The following IFRD1 variants were observed in gnomAD, a reference collection of about 807,000 sequenced individuals.
IFRD1 encodes the protein interferon-related developmental regulator 1.
IFRD1 carries 35 observed loss-of-function variants against 52.9 expected under a neutral mutation model. The ratio of observed to expected loss-of-function variants is 0.66; its 90% CI spans 0.51 to 0.88. The LOEUF (loss-of-function observed/expected upper bound fraction) is 0.88. Among genes scored for constraint, IFRD1 ranks in the 40% least tolerant of loss-of-function variants. IFRD1 has a pLI of 0.00. For synonymous variants in IFRD1, 184 were observed against 188.4 expected (o/e 0.98, Z 0.19); for missense variants, 517 against 550.8 (o/e 0.94, Z 0.61).
intron 1 of IFRD1, among the ~76,000 whole-genome samples, chr7:112,423,704 G>C (rs1447702966): frequency 6.6e-6 from 1 of 152,164 alleles, no homozygotes; most frequent in African/African-American, 2.4e-5. Context: ...GGGAGGATGA[G>C]CTCTTGGTAG....
intron 5 of IFRD1, among the ~76,000 whole-genome samples, chr7:112,460,401 T>C (rs1422059859): frequency 6.6e-6 from 1 of 151,828 alleles, no homozygotes; most frequent in African/African-American, 2.4e-5. Context: ...TGTACCACCA[T>C]GTCTGGCTCG....
At chr7:112,457,158 C>T in intron 4 of IFRD1, 120 bp downstream of exon 4, 2 of 1,017,028 alleles carry the variant, frequency 2.0e-6, no homozygotes, top group Non-Finnish European at 3.0e-6. Flanking sequence ...TTCTAATAGT[C>T]AAGGAGTGCA....
At chr7:112,467,205 C>T (rs1196938837) in intron 8 of IFRD1, among the ~76,000 whole-genome samples, 1 of 152,122 alleles carries the variant, frequency 6.6e-6, no homozygotes, top group Non-Finnish European at 1.5e-5. Flanking sequence ...AAATGTTAAA[C>T]ATGTATGAAT....
At chr7:112,458,362 C>A in intron 4 of IFRD1, 1 of 152,182 alleles carries the variant, frequency 6.6e-6, no homozygotes, top group Non-Finnish European at 1.5e-5. Context: ...GTATTTTTTA[C>A]GGTTTTAAAG....
intron 1 of IFRD1, chr7:112,451,105 G>A: frequency 3.2e-6 from 1 of 316,388 alleles, no homozygotes; most frequent in Non-Finnish European, 6.0e-6. Flanking sequence ...TCCTTTCTCG[G>A]CGGCGATCTC....
At chr7:112,427,200 C>T (rs1331827069) in intron 1 of IFRD1, among the ~76,000 whole-genome samples, 2 of 152,230 alleles carry the variant, frequency 1.3e-5, no homozygotes, top group Admixed American at 6.5e-5. Context: ...TCATAACAAA[C>T]CGACTCTCAA....
chr7:112,434,088 G>A (rs1186522273), intron 1 of IFRD1, among the ~76,000 whole-genome samples: 1 of 152,134 alleles, frequency 6.6e-6, no homozygotes, highest in Admixed American at 6.5e-5. Context: ...GTCCCAAAGT[G>A]CTAGGATTAC....
At chr7:112,429,940 G>C (rs914750186) in intron 1 of IFRD1, among the ~76,000 whole-genome samples, 1 of 152,200 alleles carries the variant, frequency 6.6e-6, no homozygotes, top group African/African-American at 2.4e-5. Context: ...GAGCCATAGA[G>C]CATAGTGCTG....
intron 1 of IFRD1, among the ~76,000 whole-genome samples, chr7:112,454,857 GTTTTTTTT>G (rs398005875): frequency 2.5e-5 from 2 of 78,808 alleles, no homozygotes; most frequent in African/African-American, 5.0e-5. Context: ...CTTCATATCA[GTTTTTTTT>G]TTTTTTTTTT....
At chr7:112,465,656 A>T (rs1795590374) in intron 8 of IFRD1, among the ~76,000 whole-genome samples, 1 of 152,142 alleles carries the variant, frequency 6.6e-6, no homozygotes, top group South Asian at 2.1e-4. Context: ...GGGTGGTAAT[A>T]ACTGTTATAT....
At chr7:112,445,368 C>T (rs1233980547) in intron 1 of IFRD1, among the ~76,000 whole-genome samples, 1 of 152,096 alleles carries the variant, frequency 6.6e-6, no homozygotes, top group Admixed American at 6.5e-5. Flanking sequence ...GCCCGGCCGG[C>T]CTAGGCTTTC....
chr7:112,427,969 G>A (rs1794464371), intron 1 of IFRD1, among the ~76,000 whole-genome samples: 1 of 152,096 alleles, frequency 6.6e-6, no homozygotes, highest in Non-Finnish European at 1.5e-5. Flanking sequence ...TACAGAGGAG[G>A]GCACCTCACC....
At chr7:112,447,785 G>A (rs1795063032), upstream of IFRD1, among the ~76,000 whole-genome samples, 1 of 152,182 alleles carries the variant, frequency 6.6e-6, no homozygotes, top group Non-Finnish European at 1.5e-5. Flanking sequence ...CTACATCTTT[G>A]TGATGTTTGC....
chr7:112,449,325 T>C (rs1217027744), upstream of IFRD1, among the ~76,000 whole-genome samples: 1 of 152,030 alleles, frequency 6.6e-6, no homozygotes, highest in African/African-American at 2.4e-5. Flanking sequence ...GAATTTAACA[T>C]ATGGGAGGAT....
chr7:112,439,950 G>C (rs1249099875), intron 1 of IFRD1, among the ~76,000 whole-genome samples: 1 of 152,094 alleles, frequency 6.6e-6, no homozygotes, highest in African/African-American at 2.4e-5. Context: ...ATCTGCGGCA[G>C]GAAATCAATG....
In IFRD1 at chr7:112,472,749, T is replaced by A. The variant is rs375133189; in HGVS notation, c.1171-17T>A. The A allele has an allele frequency of 2.6e-6, 4 of 1,530,570 alleles. No homozygotes were observed. The African/African-American group carries it at 4.1e-5, about 16-fold the overall frequency. The allele number at this position is 1,530,570 out of a possible 1,614,324, so 94.8% of individuals were successfully genotyped here. A position where few individuals can be genotyped will look rare whatever the true frequency, so the allele number is the denominator to read the frequency against. ...ATGTTTAATACTGAGCCATACCACC[T>A]TTTTCTTTCACATAAGTCAAATGAA... On this transcript the variant is annotated splice_polypyrimidine_tract_variant and intron_variant, in intron 10 of 11. Coordinates refer to ENST00000403825, the MANE Select transcript of IFRD1 (RefSeq NM_001550.4).
Position 112,455,707 on chromosome 7 carries a change from A to G in IFRD1, c.95-56A>G, listed in dbSNP as rs1165852733. Reference sequence around the variant, plus strand: ...AGTAAACTTAAAAATTCCAAAGTTAAATATTTAGGTATATGGCAATAAAAT... The same window carrying G: ...AGTAAACTTAAAAATTCCAAAGTTAGATATTTAGGTATATGGCAATAAAAT... On this transcript the variant is annotated intron_variant, in intron 1 of 11. Transcript: ENST00000403825. 8.7e-6 allele frequency: 10 copies of G among 1,151,750 alleles called. 1 individual carries two copies. Among genetic ancestry groups the G allele is most frequent in the Middle Eastern group, 3.9e-4 (2 of 5,114 alleles). 71.3% of individuals were successfully genotyped at this position (1,151,750 alleles called of 1,614,324 possible).
chr7:112,450,973 C>A, intron 1 of IFRD1, 191 bp downstream of exon 1: 1 of 619,328 alleles, frequency 1.6e-6, no homozygotes, highest in South Asian at 1.8e-5. Flanking sequence ...TTAGATCTGG[C>A]GTGCGAACCG....
Position 112,450,698 on chromosome 7 carries a change from A to G in IFRD1, c.10A>G (p.Asn4Asp). MPK[N>D]KKRNTPHRGS... is the part of the protein sequence containing the mutation. ...CACCGGGCGTCCCACGATGCCGAAG[A>G]ACAAGAAGCGGAACACTCCCCACCG... The change falls in exon 1 of 12, where the codon AAC becomes GAC. Residue 4 changes from asparagine to aspartate, a missense_variant. By Grantham distance (23) the Asn-to-Asp change is conservative (BLOSUM62 1). Coordinates refer to ENST00000403825, the MANE Select transcript of IFRD1 (RefSeq NM_001550.4). The G allele has an allele frequency of 6.2e-7, 1 of 1,612,882 alleles. No homozygotes were observed. The highest frequency in any genetic ancestry group is 8.5e-7 in the Non-Finnish European group (1 of 1,179,828).
Sources: gnomAD v4.1 joint callset for allele counts (sites outside exome capture counted in the v4.1 genomes callset) on GRCh38, gnomAD v4.1.1 for gene constraint, MANE v1.5 for transcripts, NCBI Gene and HGNC (gene_info 2026-07-23, HGNC 2026-07-21) for gene names.